Variants in C10orf67 observed in about 807,000 individuals in gnomAD.
C10orf67 encodes the protein uncharacterized protein C10orf67, mitochondrial.
C10orf67 carries 60 observed loss-of-function variants against 35.6 expected under a neutral mutation model. The ratio of observed to expected loss-of-function variants is 1.68; its 90% CI spans 1.37 to 2.09. C10orf67 has a LOEUF of 2.09. Ranked by LOEUF, C10orf67 falls within the 30% of genes most tolerant of loss-of-function variation. C10orf67 has a pLI of 0.00. For missense variants in C10orf67, 474 were observed against 330.2 expected (o/e 1.44, Z -3.38); for synonymous variants, 167 against 115.8 (o/e 1.44, Z -2.84).
intron 13 of C10orf67, among the ~76,000 whole-genome samples, chr10:23,232,541 G>T (rs1370231959): frequency 6.6e-6 from 1 of 152,124 alleles, no homozygotes; most frequent in Non-Finnish European, 1.5e-5. Flanking sequence ...ACAGAGCACT[G>T]GGATAAATCA....
intron 7 of C10orf67, among the ~76,000 whole-genome samples, chr10:23,282,944 G>A (rs1456668225): frequency 6.6e-6 from 1 of 151,838 alleles, no homozygotes; most frequent in African/African-American, 2.4e-5. Context: ...GGGGTAATAG[G>A]GTTAATGGTA....
At chr10:23,288,401 T>C (rs1259325533) in intron 7 of C10orf67, among the ~76,000 whole-genome samples, 1 of 152,054 alleles carries the variant, frequency 6.6e-6, no homozygotes, top group African/African-American at 2.4e-5. Context: ...TTCTCACTCA[T>C]AAGTAGGAGT....
In C10orf67 at chr10:23,306,297, G is replaced by T. The variant is rs990579301; in HGVS notation, c.547-2838C>A. Among the ~76,000 whole-genome samples the T allele has an allele frequency of 2.0e-5, 3 of 152,056 alleles. No individual in the cohort carries two copies. In the East Asian group the frequency reaches 5.8e-4, roughly 29 times the overall value. ...TCTCAGCACTTTGGGAGCCCTAGGCGGGCAAATCATCAGGTCAGGAGTTCG... is the reference window on the plus strand; with the variant it reads ...TCTCAGCACTTTGGGAGCCCTAGGCTGGCAAATCATCAGGTCAGGAGTTCG... On this transcript the variant is annotated intron_variant, in intron 4 of 15. Transcript: ENST00000636213.
At chr10:23,316,316 C>T (rs112031788) in intron 4 of C10orf67, among the ~76,000 whole-genome samples, 192 of 152,302 alleles carry the variant, frequency 1.3e-3, no homozygotes, top group African/African-American at 4.5e-3. Flanking sequence ...CCACTGCTGG[C>T]ATAGGGGAAC....
In C10orf67 at chr10:23,247,424, T is replaced by C. The variant is rs140461108; in HGVS notation, c.1346+3031A>G. Among the ~76,000 whole-genome samples, 376 of 152,330 alleles carry C rather than the reference T, an allele frequency of 2.5e-3. 1 individual carries two copies. The highest frequency in any genetic ancestry group is 8.7e-3 in the African/African-American group (363 of 41,570). On this transcript the variant is annotated intron_variant, in intron 12 of 15. Coordinates refer to ENST00000636213, the MANE Select transcript of C10orf67 (RefSeq NM_001371909.1). ...AGTTATAGTCTCATGCTGTGCAGGT[T>C]TGTAGCCTAGGAGCAATAGGCTATA... is the stretch of plus-strand genomic sequence containing the variant.
intron 1 of C10orf67, among the ~76,000 whole-genome samples, chr10:23,339,338 G>C (rs1002723179): frequency 3.5e-5 from 5 of 141,242 alleles, no homozygotes; most frequent in Non-Finnish European, 7.5e-5. Context: ...GAACCCAGAG[G>C]ATTCTTTGGG....
intron 4 of C10orf67, among the ~76,000 whole-genome samples, chr10:23,315,233 C>T (rs764925407): frequency 1.1e-4 from 17 of 152,132 alleles, no homozygotes; most frequent in East Asian, 3.9e-4. Flanking sequence ...TTAACCAACA[C>T]ATATTTATGA....
intron 13 of C10orf67, among the ~76,000 whole-genome samples, chr10:23,235,041 A>T (rs1842012621): frequency 6.6e-6 from 1 of 151,560 alleles, no homozygotes; most frequent in South Asian, 2.1e-4. Context: ...AAGCTAAATA[A>T]AAATAAATAA....
At chr10:23,233,977 T>G (rs1159457029) in intron 13 of C10orf67, among the ~76,000 whole-genome samples, 1 of 152,172 alleles carries the variant, frequency 6.6e-6, no homozygotes, top group Non-Finnish European at 1.5e-5. Context: ...ATTCACATAG[T>G]TTCAGTTTGC....
chr10:23,328,623 G>GT (rs1380675520), intron 2 of C10orf67, among the ~76,000 whole-genome samples: 1 of 148,614 alleles, frequency 6.7e-6, no homozygotes, highest in Non-Finnish European at 1.5e-5. Context: ...CAATGCAGTT[G>GT]TTTTTTCTAA....
intron 1 of C10orf67, among the ~76,000 whole-genome samples, chr10:23,342,218 CCACACACACA>C (rs111662364): frequency 6.7e-6 from 1 of 149,584 alleles, no homozygotes; most frequent in Non-Finnish European, 1.5e-5. Flanking sequence ...TCCCCACTTG[CCACACACACA>C]CACACACACA....
At chr10:23,222,753 C>T (rs749405859) in intron 15 of C10orf67, among the ~76,000 whole-genome samples, 9 of 152,148 alleles carry the variant, frequency 5.9e-5, no homozygotes, top group Non-Finnish European at 1.3e-4. Flanking sequence ...GCCTGGGCAA[C>T]ACGACAAAAT....
At chr10:23,251,086 G>C (rs1446115226) in intron 10 of C10orf67, among the ~76,000 whole-genome samples, 1 of 152,080 alleles carries the variant, frequency 6.6e-6, no homozygotes, top group African/African-American at 2.4e-5. Flanking sequence ...GACAGAACGA[G>C]ACCCTGTCTC....
intron 12 of C10orf67, among the ~76,000 whole-genome samples, chr10:23,246,486 A>G (rs895076775): frequency 1.3e-5 from 2 of 152,254 alleles, no homozygotes; most frequent in African/African-American, 4.8e-5. Flanking sequence ...GATAACTATC[A>G]ATAGACTAAG....
At chr10:23,341,210 C>T (rs895932510) in intron 1 of C10orf67, among the ~76,000 whole-genome samples, 5 of 152,198 alleles carry the variant, frequency 3.3e-5, no homozygotes, top group Admixed American at 6.5e-5. Flanking sequence ...CTGATACAGC[C>T]GAGCTGAACC....
At chr10:23,312,151 G>A (rs990014762) in intron 4 of C10orf67, among the ~76,000 whole-genome samples, 30 of 152,142 alleles carry the variant, frequency 2.0e-4, no homozygotes, top group Non-Finnish European at 3.7e-4. Context: ...CCCAGTTAAA[G>A]TATTAATATG....
At chr10:23,291,001 A>G (rs993857289) in intron 6 of C10orf67, 131 bp downstream of exon 6, 2 of 585,946 alleles carry the variant, frequency 3.4e-6, no homozygotes, top group African/African-American at 3.8e-5. Flanking sequence ...AAAAGCAAAG[A>G]TGGCTATGAA....
rs1236037503 is a variant in C10orf67 at position 23,229,272 on chromosome 10, T to A, written c.1435-5454A>T. ...TGCAGCCATATAAAGGATGATTTCA[T>A]GTCCTTTTTAGGGACATGGATGAAG... is the stretch of plus-strand genomic sequence containing the variant. On this transcript the variant is annotated intron_variant, in intron 13 of 15. Transcript: ENST00000636213. Among the ~76,000 whole-genome samples, 4 of 152,068 alleles carry A rather than the reference T, an allele frequency of 2.6e-5. No homozygotes were observed. The East Asian group carries it at 7.7e-4, about 29-fold the overall frequency.
At chr10:23,212,299 A>G (rs1294811275) in intron 15 of C10orf67, among the ~76,000 whole-genome samples, 1 of 152,180 alleles carries the variant, frequency 6.6e-6, no homozygotes, top group Admixed American at 6.5e-5. Context: ...CTGTGAGAAT[A>G]TTAATTTCTG....
Sources: gnomAD v4.1 joint callset for allele counts (sites outside exome capture counted in the v4.1 genomes callset) on GRCh38, gnomAD v4.1.1 for gene constraint, MANE v1.5 for transcripts, NCBI Gene and HGNC (gene_info 2026-07-23, HGNC 2026-07-21) for gene names.